The following CACNA2D4 variants were observed in gnomAD, a reference collection of about 807,000 sequenced individuals.
CACNA2D4 encodes calcium voltage-gated channel auxiliary subunit alpha2delta 4.
Under a neutral mutation model 163.8 loss-of-function variants are expected in CACNA2D4, and 157 were observed. The observed-to-expected ratio is 0.96, with a 90% CI of 0.84 to 1.09. CACNA2D4 has a LOEUF of 1.09. Among genes scored for constraint, CACNA2D4 ranks in the 50% least tolerant of loss-of-function variants. The pLI, the probability that CACNA2D4 is intolerant of heterozygous loss-of-function variation, is 0.00. For synonymous variants in CACNA2D4, 598 were observed against 586.9 expected (o/e 1.02, Z -0.27); for missense variants, 1,410 against 1,479.9 (o/e 0.95, Z 0.78).
Position 1,834,752 on chromosome 12 carries a change from G to A in CACNA2D4, c.2551+5987C>T. 6.4e-7 allele frequency: 1 copy of A among 1,555,668 alleles called. No homozygotes were observed. The highest frequency in any genetic ancestry group is 8.7e-7 in the Non-Finnish European group (1 of 1,153,548). On this transcript the variant is annotated intron_variant, in intron 26 of 37. Transcript: ENST00000382722. This position sits in a 1 kb window ranked among gnomAD's most constrained non-coding sequence, Gnocchi z 7.6. ...CATCCCCACCCGGCCAGGTAGGAAG[G>A]GCGGGGAGAGCACACGGCATTGCTC...
intron 20 of CACNA2D4, among the ~76,000 whole-genome samples, chr12:1,857,869 G>A (rs1044903526): frequency 3.3e-5 from 5 of 152,208 alleles, no homozygotes; most frequent in African/African-American, 1.2e-4. Flanking sequence ...AAATTAAGAT[G>A]AGATCATTAG....
At position 1,875,272 on chromosome 12, in the gene CACNA2D4, C is replaced by T. The variant is rs765053996; in HGVS notation, c.1785G>A (p.Glu595=). Residue 595 remains glutamate, a synonymous_variant, in exon 17 of 38, where the codon GAG becomes GAA. Coordinates refer to ENST00000382722, the MANE Select transcript of CACNA2D4 (RefSeq NM_172364.5). This position sits in a 1 kb window ranked among gnomAD's most constrained non-coding sequence, Gnocchi z 4.0. ...NYNSVDLSEV[E]WEDQAESLRT... ...TCACAGATTCAGCCTGGTCTTCCCA[C>T]TCCACTTCGGAGAGATCCACACTGT... 6.2e-7 allele frequency: 1 copy of T among 1,602,312 alleles called. No homozygotes were observed. The highest frequency in any genetic ancestry group is 8.5e-7 in the Non-Finnish European group (1 of 1,174,034).
chr12:1,805,573 C>T (rs762039708), intron 29 of CACNA2D4, among the ~76,000 whole-genome samples: 15 of 152,204 alleles, frequency 9.9e-5, no homozygotes, highest in Admixed American at 2.0e-4. Flanking sequence ...GTCCTCCAGG[C>T]TGCAGTCTCT....
intron 18 of CACNA2D4, among the ~76,000 whole-genome samples, chr12:1,863,891 A>G (rs1420768824): frequency 2.1e-5 from 1 of 47,660 alleles, no homozygotes; most frequent in Non-Finnish European, 4.0e-5. Flanking sequence ...ACTGAAAATC[A>G]CTTTACAAAA....
intron 26 of CACNA2D4, among the ~76,000 whole-genome samples, chr12:1,826,436 C>T: frequency 7.2e-6 from 1 of 139,742 alleles, no homozygotes; most frequent in Admixed American, 7.8e-5. Context: ...CACCAGGAGC[C>T]CACTGGAGCC....
rs1231072803 is a variant in CACNA2D4, at chr12:1,833,619, T to C, written c.2551+7120A>G. Reference sequence around the variant, plus strand: ...TGTGGTTGGGGCACCGATGGGGCCATTGGATTGCTCCTAAGGAGGAGAAGG... The same window carrying C: ...TGTGGTTGGGGCACCGATGGGGCCACTGGATTGCTCCTAAGGAGGAGAAGG... On this transcript the variant is annotated intron_variant, in intron 26 of 37. Transcript: ENST00000382722. The surrounding 1 kb of genome is among the most constrained non-coding windows in gnomAD (Gnocchi z 4.2). 6.6e-6 allele frequency among the ~76,000 whole-genome samples: 1 copy of C among 152,172 alleles called. No homozygotes were observed. The highest frequency in any genetic ancestry group is 2.4e-5 in the African/African-American group (1 of 41,430).
At chr12:1,892,215 C>A (rs1866302759) in intron 6 of CACNA2D4, among the ~76,000 whole-genome samples, 1 of 152,148 alleles carries the variant, frequency 6.6e-6, no homozygotes, top group African/African-American at 2.4e-5. Context: ...CAATGGATTT[C>A]TCAGCAGAAA....
intron 18 of CACNA2D4, among the ~76,000 whole-genome samples, chr12:1,863,590 T>C (rs566218369): frequency 6.6e-4 from 100 of 152,382 alleles, no homozygotes; most frequent in African/African-American, 2.3e-3. Flanking sequence ...TTCTTTGATA[T>C]TCTTTCCGCA....
At chr12:1,902,195 T>C (rs1866554135) in intron 6 of CACNA2D4, among the ~76,000 whole-genome samples, 1 of 151,906 alleles carries the variant, frequency 6.6e-6, no homozygotes, top group Non-Finnish European at 1.5e-5. Context: ...AAAAACTGGG[T>C]ATACAAGGAA....
At chr12:1,908,143 G>A (rs886769770) in intron 4 of CACNA2D4, 106 bp from the exon 5 acceptor site, 9 of 1,240,530 alleles carry the variant, frequency 7.3e-6, no homozygotes, top group Non-Finnish European at 9.0e-6. Flanking sequence ...CCGGGGCCGG[G>A]CGGCCATCAG....
chr12:1,817,634 C>T (rs916184021), intron 26 of CACNA2D4, among the ~76,000 whole-genome samples: 72 of 152,204 alleles, frequency 4.7e-4, no homozygotes, highest in Admixed American at 1.2e-3. Context: ...CAGGCGTGCG[C>T]CGCCACGCCT....
At chr12:1,796,932 G>T (rs1863145966) in intron 35 of CACNA2D4, among the ~76,000 whole-genome samples, 1 of 152,224 alleles carries the variant, frequency 6.6e-6, no homozygotes, top group East Asian at 1.9e-4. Flanking sequence ...GAGGCTGCCC[G>T]CGGGGCTCCC....
At chr12:1,864,523 C>T (rs779667925) in intron 18 of CACNA2D4, among the ~76,000 whole-genome samples, 4 of 152,104 alleles carry the variant, frequency 2.6e-5, no homozygotes, top group Admixed American at 6.5e-5. Context: ...TGTCTCAGGA[C>T]CCTAAGCCCA....
In CACNA2D4 at chr12:1,844,440, C is replaced by T; in HGVS notation, c.2432G>A (p.Gly811Asp). 1.2e-6 allele frequency: 2 copies of T among 1,613,646 alleles called. No individual in the cohort carries two copies. The highest frequency in any genetic ancestry group is 1.7e-6 in the Non-Finnish European group (2 of 1,179,804). ...CCAGCGGAGGTTGAAGACGAAGCTG[C>T]CAGCAGGATGCTCTGAGGCCTGGCG... ...WYRQASEHPA[G>D]SFVFNLRWAE... is the part of the protein sequence containing the mutation. The change falls in exon 25 of 38, where the codon GGC (glycine) becomes GAC (aspartate). Residue 811 changes from glycine to aspartate, a missense_variant. Transcript: ENST00000382722. The surrounding 1 kb of genome is among the most constrained non-coding windows in gnomAD (Gnocchi z 4.2).
Position 1,878,959 on chromosome 12 carries a change from G to T in CACNA2D4, c.1641C>A (p.Tyr547Ter). Residue 547 changes from tyrosine to a stop codon, truncating the protein, a stop_gained, in exon 15 of 38, where the codon TAC (tyrosine) becomes TAA (stop). Coordinates refer to ENST00000382722, the MANE Select transcript of CACNA2D4 (RefSeq NM_172364.5). LOFTEE classifies it high-confidence loss of function. The surrounding 1 kb of genome is among the most constrained non-coding windows in gnomAD (Gnocchi z 4.6). Reference protein sequence around the residue: ...LRELMKLAPRYKLGVHGYAFL... With the variant: ...LRELMKLAPR ...CAGGGAACAGACCCAGGCTCACCTTGTACCGGGGCGCCAGCTTCATCAGCT... is the reference window on the plus strand; with the variant it reads ...CAGGGAACAGACCCAGGCTCACCTTTTACCGGGGCGCCAGCTTCATCAGCT... 1 of 1,613,398 alleles carries T rather than the reference G, an allele frequency of 6.2e-7. No homozygotes were observed. Among genetic ancestry groups the T allele is most frequent in the East Asian group, 2.2e-5 (1 of 44,878 alleles).
chr12:1,848,217 C>T (rs999696769), intron 23 of CACNA2D4, among the ~76,000 whole-genome samples: 3 of 152,232 alleles, frequency 2.0e-5, no homozygotes, highest in Admixed American at 6.5e-5. Context: ...CTCCTTTAAC[C>T]TGATTCCCTT....
intron 26 of CACNA2D4, among the ~76,000 whole-genome samples, chr12:1,823,827 T>G (rs934409549): frequency 6.6e-6 from 1 of 152,168 alleles, no homozygotes; most frequent in African/African-American, 2.4e-5. Flanking sequence ...GATCAGGCAA[T>G]GCCGTGGACA....
At position 1,828,712 on chromosome 12, in the gene CACNA2D4, G is replaced by A. The variant is rs80037032; in HGVS notation, c.2551+12027C>T. 0.03 allele frequency among the ~76,000 whole-genome samples: 4,511 copies of A among 152,322 alleles called. 78 individuals carry two copies. Among genetic ancestry groups the A allele is most frequent in the Middle Eastern group, 0.061 (18 of 294 alleles). On this transcript the variant is annotated intron_variant, in intron 26 of 37. Transcript: ENST00000382722. This position sits in a 1 kb window ranked among gnomAD's most constrained non-coding sequence, Gnocchi z 4.2. ...TTATGCCTCCGCTTTCCCAACTCTC[G>A]GTAGAGGACCTAGTGGGCTCGTGGG...
In CACNA2D4 at chr12:1,801,155, C is replaced by T. The variant is rs373745183; in HGVS notation, c.2793-37G>A. 3.2e-6 allele frequency: 5 copies of T among 1,555,206 alleles called. No homozygotes were observed. The African/African-American group carries it at 5.4e-5, about 17-fold the overall frequency. On this transcript the variant is annotated intron_variant, in intron 30 of 37. Coordinates refer to ENST00000382722, the MANE Select transcript of CACNA2D4 (RefSeq NM_172364.5). ...AAGCGGGCTGTGATGAGTCCAAAGCCACCCCCACCCCCTGCCCCTGCCTCA... is the reference window on the plus strand; with the variant it reads ...AAGCGGGCTGTGATGAGTCCAAAGCTACCCCCACCCCCTGCCCCTGCCTCA...
Sources: gnomAD v4.1 joint callset for allele counts (sites outside exome capture counted in the v4.1 genomes callset) on GRCh38, gnomAD v4.1.1 for gene constraint, Gnocchi (gnomAD v3.1) non-coding constraint, MANE v1.5 for transcripts, NCBI Gene and HGNC (gene_info 2026-07-23, HGNC 2026-07-21) for gene names.